The following NMNAT2 variants were observed in gnomAD, a reference collection of about 807,000 sequenced individuals.
NMNAT2 encodes the protein nicotinamide nucleotide adenylyltransferase 2.
In NMNAT2, 11 loss-of-function variants were observed where a neutral mutation model predicts 41.6. The ratio of observed to expected loss-of-function variants is 0.26; its 90% CI spans 0.17 to 0.44. The LOEUF is 0.44. Ranked by LOEUF, NMNAT2 falls within the 20% of genes least tolerant of loss-of-function variation. The probability of loss-of-function intolerance (pLI) is 1.00; values close to 1 mark genes in which losing one functional copy is unlikely to be tolerated. For missense variants in NMNAT2, 288 were observed against 407.7 expected, an observed-to-expected ratio of 0.71 and a Z score of 2.53; for synonymous variants, 148 against 151.2, an observed-to-expected ratio of 0.98 and a Z score of 0.16.
intron 1 of NMNAT2, among the ~76,000 whole-genome samples, chr1:183,312,531 C>A (rs993320302): frequency 2.0e-5 from 3 of 150,456 alleles, no homozygotes; most frequent in Admixed American, 6.7e-5. Context: ...TATTTTATTA[C>A]TTTTAAAACT....
At chr1:183,325,298 A>C (rs984665429) in intron 1 of NMNAT2, among the ~76,000 whole-genome samples, 1 of 152,224 alleles carries the variant, frequency 6.6e-6, no homozygotes, top group African/African-American at 2.4e-5. Flanking sequence ...TTTCACTCTC[A>C]ATTCAATTTC....
At chr1:183,267,724 T>C (rs1376597246) in intron 8 of NMNAT2, among the ~76,000 whole-genome samples, 1 of 152,148 alleles carries the variant, frequency 6.6e-6, no homozygotes, top group Admixed American at 6.5e-5. Flanking sequence ...ACTATTTTTC[T>C]GCTCGAGGGG....
chr1:183,307,601 C>T (rs1662022937), intron 1 of NMNAT2, among the ~76,000 whole-genome samples: 1 of 152,154 alleles, frequency 6.6e-6, no homozygotes, highest in Non-Finnish European at 1.5e-5. Flanking sequence ...CACCACCACA[C>T]CTGGCTAATT....
chr1:183,327,486 T>G lies in NMNAT2; in HGVS notation c.86-33693A>C, dbSNP rs559057423. 3.5e-4 allele frequency among the ~76,000 whole-genome samples: 54 copies of G among 152,362 alleles called. No homozygotes were observed. The South Asian group carries it at 5.4e-3, about 15-fold the overall frequency. On this transcript the variant is annotated intron_variant, in intron 1 of 10. Coordinates refer to ENST00000287713, the MANE Select transcript of NMNAT2 (RefSeq NM_015039.4). ...TCCAGTACGCCAAAAGGGCCATATT[T>G]GCAGGCATTCCTTCTTGCTACCTCG... is the stretch of plus-strand genomic sequence containing the variant.
chr1:183,352,974 C>G (rs999944016), intron 1 of NMNAT2, among the ~76,000 whole-genome samples: 1 of 152,122 alleles, frequency 6.6e-6, no homozygotes, highest in Admixed American at 6.5e-5. Context: ...AAGAGGGGGT[C>G]AGAAAGGAGG....
chr1:183,328,952 C>A (rs565066896), intron 1 of NMNAT2, among the ~76,000 whole-genome samples: 2 of 152,248 alleles, frequency 1.3e-5, no homozygotes, highest in African/African-American at 4.8e-5. Context: ...CTGTGGTTGT[C>A]TGTTTTTGTG....
chr1:183,293,863 AT>A, intron 1 of NMNAT2, 70 bp from the exon 2 acceptor site: 1 of 1,070,598 alleles, frequency 9.3e-7, no homozygotes, highest in Non-Finnish European at 1.4e-6. Context: ...ATTGAAATCA[AT>A]ACGCTCAGCT....
intron 1 of NMNAT2, among the ~76,000 whole-genome samples, chr1:183,413,987 C>T (rs1649190718): frequency 6.6e-6 from 1 of 152,228 alleles, no homozygotes; most frequent in African/African-American, 2.4e-5. Context: ...TTTCAGAAAG[C>T]TCTCCCTGAT....
chr1:183,252,632 G>A lies in NMNAT2; in HGVS notation c.*9C>T, dbSNP rs200074100. 7 of 1,599,190 alleles carry A rather than the reference G, an allele frequency of 4.4e-6. No homozygotes were observed. The highest frequency in any genetic ancestry group is 2.2e-5 in the East Asian group (1 of 44,836). On this transcript the variant is annotated 3_prime_UTR_variant, in exon 11 of 11. Transcript: ENST00000287713. The stretch of plus-strand genomic sequence containing the variant: ...AGGGGCCATTGTGTTGCCGGAGGAC[G>A]AGGGGCTGCTAGCCGGAGGCATTGA...
chr1:183,391,620 C>T (rs1648485246), intron 1 of NMNAT2, among the ~76,000 whole-genome samples: 1 of 152,112 alleles, frequency 6.6e-6, no homozygotes, highest in Admixed American at 6.6e-5. Context: ...AAAAATACTC[C>T]TCAAAAGAAT....
chr1:183,361,064 T>C (rs561645284), intron 1 of NMNAT2, among the ~76,000 whole-genome samples: 7 of 152,218 alleles, frequency 4.6e-5, no homozygotes, highest in Non-Finnish European at 7.3e-5. Context: ...ACTGAGCATG[T>C]ATGCATAAGA....
intron 7 of NMNAT2, among the ~76,000 whole-genome samples, chr1:183,282,389 C>T (rs1166964264): frequency 1.3e-5 from 2 of 152,196 alleles, no homozygotes; most frequent in Non-Finnish European, 2.9e-5. Context: ...TGGAAGTGAA[C>T]ACAGCAGTAC....
At chr1:183,281,594 C>T (rs1661271667) in intron 7 of NMNAT2, among the ~76,000 whole-genome samples, 1 of 152,176 alleles carries the variant, frequency 6.6e-6, no homozygotes, top group African/African-American at 2.4e-5. Context: ...AGGACCAGTG[C>T]AAACATTTAA....
intron 1 of NMNAT2, among the ~76,000 whole-genome samples, chr1:183,311,025 C>A (rs1018521261): frequency 1.3e-5 from 2 of 152,170 alleles, no homozygotes; most frequent in African/African-American, 4.8e-5. Flanking sequence ...CTAAGGTTCC[C>A]GCTCACCCTG....
intron 1 of NMNAT2, among the ~76,000 whole-genome samples, chr1:183,318,091 A>G (rs906705877): frequency 6.6e-6 from 1 of 152,206 alleles, no homozygotes; most frequent in African/African-American, 2.4e-5. Context: ...AGGTAAGCTC[A>G]TGGCCCTATG....
At chr1:183,272,871 C>T (rs562944867) in intron 8 of NMNAT2, among the ~76,000 whole-genome samples, 5 of 152,290 alleles carry the variant, frequency 3.3e-5, no homozygotes, top group East Asian at 1.9e-4. Flanking sequence ...GGCTGGAGTG[C>T]GGGGCCGGGG....
At chr1:183,279,708 G>A (rs1254695368) in intron 7 of NMNAT2, among the ~76,000 whole-genome samples, 3 of 152,208 alleles carry the variant, frequency 2.0e-5, no homozygotes, top group Non-Finnish European at 4.4e-5. Flanking sequence ...GCAGGGGGGA[G>A]GCTACTGGGC....
At chr1:183,373,398 G>A (rs1322852843) in intron 1 of NMNAT2, among the ~76,000 whole-genome samples, 2 of 152,126 alleles carry the variant, frequency 1.3e-5, no homozygotes, top group Non-Finnish European at 1.5e-5. Context: ...CCATGACCCC[G>A]TGGAGAGAGA....
In NMNAT2 at chr1:183,380,252, T is replaced by C. The variant is rs141122862; in HGVS notation, c.85+37931A>G. 1.2e-3 allele frequency among the ~76,000 whole-genome samples: 176 copies of C among 152,324 alleles called. 1 individual carries two copies. The highest frequency in any genetic ancestry group is 3.7e-3 in the African/African-American group (154 of 41,584). ...AGTCCATGGAAACTTATGGCATGCA[T>C]TTTTTAATGCTAACCTTACCCCTGA... On this transcript the variant is annotated intron_variant, in intron 1 of 10. Coordinates refer to ENST00000287713, the MANE Select transcript of NMNAT2 (RefSeq NM_015039.4).
Sources: gnomAD v4.1 joint callset for allele counts (sites outside exome capture counted in the v4.1 genomes callset) on GRCh38, gnomAD v4.1.1 for gene constraint, MANE v1.5 for transcripts, NCBI Gene and HGNC (gene_info 2026-07-23, HGNC 2026-07-21) for gene names.